The following P4HA1 variants were observed in gnomAD, a reference collection of about 807,000 sequenced individuals.
P4HA1 encodes prolyl 4-hydroxylase subunit alpha 1, also known as prolyl 4-hydroxylase subunit alpha-1.
P4HA1 carries 24 observed loss-of-function variants against 72.8 expected under a neutral mutation model. That is an observed-to-expected ratio of 0.33 (90% confidence interval 0.24 to 0.46). The LOEUF (loss-of-function observed/expected upper bound fraction) is 0.46. Among genes scored for constraint, P4HA1 ranks in the 20% least tolerant of loss-of-function variants. The probability of loss-of-function intolerance (pLI) is 1.00; values close to 1 mark genes in which losing one functional copy is unlikely to be tolerated. For missense variants in P4HA1, 446 were observed against 640.6 expected, an observed-to-expected ratio of 0.70 and a Z score of 3.28; for synonymous variants, 201 against 218.8, an observed-to-expected ratio of 0.92 and a Z score of 0.72.
At chr10:73,075,639 T>A (rs1221854762) in intron 1 of P4HA1, among the ~76,000 whole-genome samples, 2 of 152,034 alleles carry the variant, frequency 1.3e-5, no homozygotes, top group South Asian at 2.1e-4. Context: ...ATTTTCAAAA[T>A]GTTAGAATAC....
At chr10:73,063,729 C>G (rs1841361904) in intron 5 of P4HA1, among the ~76,000 whole-genome samples, 1 of 152,108 alleles carries the variant, frequency 6.6e-6, no homozygotes, top group Non-Finnish European at 1.5e-5. Context: ...ATTCTGGCAA[C>G]ATTATTTGAA....
chr10:73,033,392 T>C (rs1840487094), intron 9 of P4HA1, among the ~76,000 whole-genome samples: 1 of 152,212 alleles, frequency 6.6e-6, no homozygotes, highest in African/African-American at 2.4e-5. Context: ...TTTGGTAGAA[T>C]CATCGTCCTT....
In P4HA1 at chr10:73,090,789, G is replaced by A. The variant is rs542231774; in HGVS notation, c.-33+5977C>T. On this transcript the variant is annotated intron_variant, in intron 1 of 14. Coordinates refer to ENST00000394890, the MANE Select transcript of P4HA1 (RefSeq NM_001017962.3). ...AAGGAAGTAACTGCAGGCCAGGTGC[G>A]GTGGCTCATGCCTGTAATCCCAGCA... 2.4e-4 allele frequency among the ~76,000 whole-genome samples: 37 copies of A among 152,042 alleles called. No individual in the cohort carries two copies. The East Asian group carries it at 2.5e-3, about 10-fold the overall frequency.
intron 1 of P4HA1, among the ~76,000 whole-genome samples, chr10:73,076,966 C>T (rs1554842671): frequency 6.6e-6 from 1 of 152,212 alleles, no homozygotes; most frequent in Non-Finnish European, 1.5e-5. Flanking sequence ...CAGATCACCA[C>T]AAAAACTGGA....
intron 10 of P4HA1, among the ~76,000 whole-genome samples, chr10:73,027,308 T>C (rs1840298627): frequency 6.6e-6 from 1 of 151,858 alleles, no homozygotes; most frequent in Non-Finnish European, 1.5e-5. Flanking sequence ...GGGACATGGA[T>C]GAAGCTGGAA....
chr10:73,092,692 AT>A (rs1842062287), intron 1 of P4HA1, among the ~76,000 whole-genome samples: 1 of 148,982 alleles, frequency 6.7e-6, no homozygotes, highest in South Asian at 2.1e-4. Context: ...AAAAAAAAAA[AT>A]TTAAATATAA....
At chr10:73,039,543 G>A (rs979280623) in intron 9 of P4HA1, among the ~76,000 whole-genome samples, 1 of 152,058 alleles carries the variant, frequency 6.6e-6, no homozygotes, top group Non-Finnish European at 1.5e-5. Context: ...TCCTGACCTC[G>A]GGATCTGCCC....
intron 7 of P4HA1, among the ~76,000 whole-genome samples, chr10:73,047,530 C>CA (rs1471881430): frequency 1.0e-3 from 112 of 108,108 alleles, no homozygotes; most frequent in Non-Finnish European, 1.6e-3. Context: ...CTAAATACCT[C>CA]ACAGTTAAAT....
rs535725264 is a variant in P4HA1 at position 73,068,013 on chromosome 10, C to G, written c.463+833G>C. ...AATAAGGTTATAATCTTATCAAAAG[C>G]GTTATAATGTATAATATTAGTAGAA... is the stretch of plus-strand genomic sequence containing the variant. On this transcript the variant is annotated intron_variant, in intron 5 of 14. Transcript: ENST00000394890. Among the ~76,000 whole-genome samples, 6 of 152,110 alleles carry G rather than the reference C, an allele frequency of 3.9e-5. No homozygotes were observed. The East Asian group carries it at 9.6e-4, about 24-fold the overall frequency.
chr10:73,094,049 A>G (rs1373028314), intron 1 of P4HA1, among the ~76,000 whole-genome samples: 3 of 151,198 alleles, frequency 2.0e-5, no homozygotes, highest in Non-Finnish European at 4.4e-5. Context: ...TAATGCCAAG[A>G]GCCTATGCAA....
chr10:73,012,590 G>A (rs1028581341), intron 12 of P4HA1, among the ~76,000 whole-genome samples: 1 of 151,338 alleles, frequency 6.6e-6, no homozygotes. Context: ...GGAGGCATAC[G>A]GAGAGGAAGG....
intron 1 of P4HA1, among the ~76,000 whole-genome samples, chr10:73,089,710 TAAAA>T (rs10700344): frequency 5.2e-5 from 5 of 95,896 alleles, no homozygotes; most frequent in African/African-American, 1.1e-4. Context: ...TTCCCCGTGC[TAAAA>T]AAAAAAAAAA....
chr10:73,044,254 G>A (rs185587167), intron 9 of P4HA1, among the ~76,000 whole-genome samples: 1 of 152,080 alleles, frequency 6.6e-6, no homozygotes, highest in African/African-American at 2.4e-5. Flanking sequence ...GGGTTTCACA[G>A]AAACTTTCTC....
intron 4 of P4HA1, among the ~76,000 whole-genome samples, chr10:73,070,817 A>C (rs2063210469): frequency 6.6e-6 from 1 of 152,196 alleles, no homozygotes; most frequent in South Asian, 2.1e-4. Context: ...AAAACAACAA[A>C]GTGCCAAGGT....
chr10:73,086,661 G>A (rs1015048369), intron 1 of P4HA1, among the ~76,000 whole-genome samples: 2 of 152,134 alleles, frequency 1.3e-5, no homozygotes, highest in East Asian at 1.9e-4. Context: ...GGCTGGGAGC[G>A]GTGGCTCACG....
intron 5 of P4HA1, among the ~76,000 whole-genome samples, 167 bp downstream of exon 5, chr10:73,068,679 T>C (rs556740492): frequency 6.6e-6 from 1 of 152,322 alleles, no homozygotes; most frequent in African/African-American, 2.4e-5. Flanking sequence ...CCGTAACTAT[T>C]AAGCCCTAAG....
intron 10 of P4HA1, among the ~76,000 whole-genome samples, chr10:73,027,837 GA>G (rs1840324176): frequency 7.7e-6 from 1 of 129,448 alleles, no homozygotes; most frequent in African/African-American, 2.9e-5. Context: ...AGAGAGGAAG[GA>G]AGGGAGGGAG....
At chr10:73,042,033 G>C (rs1339788300) in intron 9 of P4HA1, among the ~76,000 whole-genome samples, 1 of 151,842 alleles carries the variant, frequency 6.6e-6, no homozygotes, top group Non-Finnish European at 1.5e-5. Context: ...ATTTTTTGTA[G>C]AGTTGGGGTT....
At chr10:73,071,540 T>C (rs4387274) in intron 4 of P4HA1, among the ~76,000 whole-genome samples, 24,313 of 152,036 alleles carry the variant, frequency 0.16, 3,230 homozygotes, top group African/African-American at 0.34. Context: ...AACATTTCAA[T>C]GCTCCAACTA....
Sources: gnomAD v4.1 joint callset for allele counts (sites outside exome capture counted in the v4.1 genomes callset) on GRCh38, gnomAD v4.1.1 for gene constraint, MANE v1.5 for transcripts, NCBI Gene and HGNC (gene_info 2026-07-23, HGNC 2026-07-21) for gene names.